The following ATCAY variants were observed in gnomAD, a reference collection of about 807,000 sequenced individuals.
ATCAY encodes the protein ATCAY kinesin light chain interacting caytaxin.
In ATCAY, 22 loss-of-function variants were observed where a neutral mutation model predicts 47.7. The observed-to-expected ratio is 0.46, with a 90% CI of 0.33 to 0.66. The LOEUF (loss-of-function observed/expected upper bound fraction) is 0.66, where lower values mean the gene tolerates loss of function less well. ATCAY is among the 30% of genes least tolerant of loss of function. The pLI, the probability that ATCAY is intolerant of heterozygous loss-of-function variation, is 0.02. For synonymous variants in ATCAY, 216 were observed against 207.6 expected (o/e 1.04, Z -0.35); for missense variants, 452 against 515.0 (o/e 0.88, Z 1.18).
intron 5 of ATCAY, among the ~76,000 whole-genome samples, 157 bp downstream of exon 5, chr19:3,908,076 G>A (rs1007659983): frequency 5.9e-5 from 9 of 152,216 alleles, no homozygotes; most frequent in Admixed American, 3.9e-4. Context: ...TCAGGGAGGC[G>A]CACTGGGGGC....
At chr19:3,918,103 G>T (rs2145262961) in intron 10 of ATCAY, among the ~76,000 whole-genome samples, 1 of 152,268 alleles carries the variant, frequency 6.6e-6, no homozygotes, top group East Asian at 1.9e-4. Context: ...GGGCGCGGTG[G>T]CTCACCCAGC....
chr19:3,905,700 C>G (rs201757090), intron 4 of ATCAY, 45 bp downstream of exon 4: 2 of 1,533,488 alleles, frequency 1.3e-6, no homozygotes, highest in Admixed American at 1.7e-5. Flanking sequence ...CCCACCCCCC[C>G]CACCCCACCT....
intron 3 of ATCAY, among the ~76,000 whole-genome samples, chr19:3,902,970 C>T (rs2038828117): frequency 6.6e-6 from 1 of 152,116 alleles, no homozygotes; most frequent in Non-Finnish European, 1.5e-5. Context: ...TTATATTAGA[C>T]CCAAATATAT....
At chr19:3,919,314 C>G (rs1275496059) in intron 11 of ATCAY, among the ~76,000 whole-genome samples, 3 of 151,254 alleles carry the variant, frequency 2.0e-5, no homozygotes, top group African/African-American at 7.3e-5. Context: ...AAATTATCGG[C>G]CGGGTGTGGT....
intron 2 of ATCAY, among the ~76,000 whole-genome samples, chr19:3,886,299 A>C (rs2038654016): frequency 6.6e-6 from 1 of 151,486 alleles, no homozygotes; most frequent in Non-Finnish European, 1.5e-5. Flanking sequence ...AACTACAAAA[A>C]TTAGCTGGGC....
At chr19:3,912,208 C>T (rs1335106849) in intron 8 of ATCAY, among the ~76,000 whole-genome samples, 11 of 152,162 alleles carry the variant, frequency 7.2e-5, no homozygotes, top group Admixed American at 4.6e-4. Context: ...CGCCATGGCT[C>T]ACACCTGTAA....
chr19:3,900,177 CT>C (rs1007598549), intron 2 of ATCAY, among the ~76,000 whole-genome samples: 7 of 149,024 alleles, frequency 4.7e-5, no homozygotes, highest in Admixed American at 1.4e-4. Flanking sequence ...CTAATGTCCT[CT>C]TTTTTTTTCT....
In ATCAY at chr19:3,913,811, A is replaced by G. The variant is rs2038942563; in HGVS notation, c.920A>G (p.Gln307Arg). The G allele has an allele frequency of 4.3e-6, 7 of 1,613,902 alleles. No individual in the cohort carries two copies. The highest frequency in any genetic ancestry group is 5.1e-6 in the Non-Finnish European group (6 of 1,179,868). ...GTGCACAGCTTGGAAGACCTGGAGCAACTCATCCCTATGGAACACGTCCAG... is the reference window on the plus strand; with the variant it reads ...GTGCACAGCTTGGAAGACCTGGAGCGACTCATCCCTATGGAACACGTCCAG... ...QYVHSLEDLEQLIPMEHVQIP... is the reference protein window; with the variant it reads ...QYVHSLEDLERLIPMEHVQIP... The change falls in exon 9 of 13, where the codon CAA becomes CGA. Residue 307 changes from glutamine to arginine, a missense_variant. Physicochemically the swap from Gln to Arg is conservative, Grantham distance 43. Transcript: ENST00000450849.
intron 12 of ATCAY, among the ~76,000 whole-genome samples, chr19:3,922,802 T>C (rs1262742204): frequency 3.3e-5 from 5 of 152,160 alleles, no homozygotes; most frequent in African/African-American, 1.2e-4. Context: ...TGGAGTGCAG[T>C]GGCATGATCT....
chr19:3,913,752 C>T lies in ATCAY; in HGVS notation c.867-6C>T, dbSNP rs764628915. ...TCAGACCTCTCCCTCCTTCTCCCCCCGCCAGCGTCAAGTTCATCAACAAGA... is the reference window on the plus strand; with the variant it reads ...TCAGACCTCTCCCTCCTTCTCCCCCTGCCAGCGTCAAGTTCATCAACAAGA... On this transcript the variant is annotated splice_polypyrimidine_tract_variant and splice_region_variant and intron_variant, in intron 8 of 12. Coordinates refer to ENST00000450849, the MANE Select transcript of ATCAY (RefSeq NM_033064.5). 4.3e-6 allele frequency: 7 copies of T among 1,613,084 alleles called. No individual in the cohort carries two copies. Among genetic ancestry groups the T allele is most frequent in the Admixed American group, 3.3e-5 (2 of 59,884 alleles).
chr19:3,914,393 G>C (rs1018487282), intron 9 of ATCAY, among the ~76,000 whole-genome samples: 1 of 151,930 alleles, frequency 6.6e-6, no homozygotes, highest in Non-Finnish European at 1.5e-5. Flanking sequence ...CAGATCTCAT[G>C]AGACTTACTC....
At chr19:3,904,540 A>C (rs922451673) in intron 3 of ATCAY, among the ~76,000 whole-genome samples, 1 of 152,180 alleles carries the variant, frequency 6.6e-6, no homozygotes, top group Non-Finnish European at 1.5e-5. Flanking sequence ...CTGCCGATTG[A>C]GGACTTGTCA....
chr19:3,883,848 A>G (rs2038623497), intron 1 of ATCAY, among the ~76,000 whole-genome samples: 1 of 152,132 alleles, frequency 6.6e-6, no homozygotes, highest in African/African-American at 2.4e-5. Flanking sequence ...GGAAACTGAG[A>G]CCCAGAGAGG....
rs377313970 is a variant in ATCAY at position 3,902,529 on chromosome 19, G to A, written c.120G>A (p.Pro40=). The A allele has an allele frequency of 3.2e-5, 50 of 1,574,766 alleles. No individual in the cohort carries two copies. The highest frequency in any genetic ancestry group is 3.3e-4 in the Middle Eastern group (2 of 6,038). ...EETGVELLGS[P]VEDTSSPPNT... ...CGGGGGTGGAACTGCTTGGCAGCCC[G>A]GTGGAAGACACATCCTGTAAGTTTC... The change falls in exon 3 of 13, where the codon CCG becomes CCA. Residue 40 remains proline, a synonymous_variant. Coordinates refer to ENST00000450849, the MANE Select transcript of ATCAY (RefSeq NM_033064.5).
intron 9 of ATCAY, among the ~76,000 whole-genome samples, chr19:3,914,884 C>A (rs1328928134): frequency 6.6e-6 from 1 of 152,032 alleles, no homozygotes; most frequent in Non-Finnish European, 1.5e-5. Flanking sequence ...CAACACCCCC[C>A]CACCGGGTCC....
In ATCAY at chr19:3,889,557, G is replaced by A. The variant is rs925391643; in HGVS notation, c.77+3713G>A. On this transcript the variant is annotated intron_variant, in intron 2 of 12. Coordinates refer to ENST00000450849, the MANE Select transcript of ATCAY (RefSeq NM_033064.5). ...AGCAGTGAGCTATGATCACACCACCGCACTCCAGCCTGGACAACAGAGCAA... is the reference window on the plus strand; with the variant it reads ...AGCAGTGAGCTATGATCACACCACCACACTCCAGCCTGGACAACAGAGCAA... 5.3e-5 allele frequency among the ~76,000 whole-genome samples: 8 copies of A among 152,236 alleles called. No homozygotes were observed. In the South Asian group the frequency reaches 1.0e-3, roughly 20 times the overall value.
At chr19:3,897,541 C>T (rs1005253997) in intron 2 of ATCAY, among the ~76,000 whole-genome samples, 1 of 151,842 alleles carries the variant, frequency 6.6e-6, no homozygotes, top group African/African-American at 2.4e-5. Flanking sequence ...GGGATCCTCC[C>T]ACCTCAGCCT....
chr19:3,902,494 C>G lies in ATCAY; in HGVS notation c.85C>G (p.Pro29Ala). Residue 29 changes from proline to alanine, a missense_variant, in exon 3 of 13, where the codon CCA (proline) becomes GCA (alanine). By Grantham distance (27) the Pro-to-Ala change is conservative. Transcript: ENST00000450849. ...TCCTGGATGGGTCCGCAGGCCACTCCCAGAAGAGACGGGGGTGGAACTGCT... is the reference window on the plus strand; with the variant it reads ...TCCTGGATGGGTCCGCAGGCCACTCGCAGAAGAGACGGGGGTGGAACTGCT... Reference protein sequence around the residue: ...WQDEDLPRPLPEETGVELLGS... With the variant: ...WQDEDLPRPLAEETGVELLGS... The G allele has an allele frequency of 6.3e-7, 1 of 1,577,170 alleles. No individual in the cohort carries two copies. The highest frequency in any genetic ancestry group is 8.6e-7 in the Non-Finnish European group (1 of 1,161,390).
At chr19:3,910,980 C>A (rs547727186) in intron 8 of ATCAY, 91 bp downstream of exon 8, 1 of 1,311,550 alleles carries the variant, frequency 7.6e-7, no homozygotes, top group South Asian at 1.2e-5. Context: ...CATGTGTGCA[C>A]GTGTGTGCGT....
Sources: allele counts gnomAD v4.1 joint callset (sites outside exome capture counted in the v4.1 genomes callset), GRCh38; gene constraint gnomAD v4.1.1; transcripts MANE v1.5; gene names NCBI Gene and HGNC (gene_info 2026-07-23, HGNC 2026-07-21).